CPAMD8: variants seen among roughly 807,000 people sequenced by gnomAD.
CPAMD8 encodes C3 and PZP-like alpha-2-macroglobulin domain-containing protein 8.
In CPAMD8, 146 loss-of-function variants were observed where a neutral mutation model predicts 224.7. The observed-to-expected ratio is 0.65, with a 90% CI of 0.57 to 0.75. CPAMD8 has a LOEUF of 0.75. Among genes scored for constraint, CPAMD8 ranks in the 30% least tolerant of loss-of-function variants. CPAMD8 has a pLI of 0.00. For synonymous variants in CPAMD8, 966 were observed against 1,044.6 expected, an observed-to-expected ratio of 0.92 and a Z score of 1.45; for missense variants, 2,301 against 2,537.5, an observed-to-expected ratio of 0.91 and a Z score of 2.00.
chr19:16,995,857 A>AT (rs909045893), intron 11 of CPAMD8, among the ~76,000 whole-genome samples: 1 of 152,294 alleles, frequency 6.6e-6, no homozygotes, highest in Admixed American at 6.5e-5. Flanking sequence ...TCTACAAAAA[A>AT]TTAAAAAATT....
At chr19:16,910,954 G>C (rs1288852259) in intron 29 of CPAMD8, among the ~76,000 whole-genome samples, 2 of 152,124 alleles carry the variant, frequency 1.3e-5, no homozygotes, top group Non-Finnish European at 2.9e-5. Flanking sequence ...AGGGAGCAAG[G>C]GCCTGCCAAT....
chr19:16,915,311 A>T (rs2052906000), intron 27 of CPAMD8, among the ~76,000 whole-genome samples: 1 of 152,044 alleles, frequency 6.6e-6, no homozygotes, highest in Non-Finnish European at 1.5e-5. Context: ...TGGAATGGGC[A>T]TGTGATGCAA....
At chr19:16,968,843 G>A (rs1419898730) in intron 18 of CPAMD8, among the ~76,000 whole-genome samples, 1 of 152,022 alleles carries the variant, frequency 6.6e-6, no homozygotes, top group South Asian at 2.1e-4. Context: ...TTTGCCATGT[G>A]CCCAGGCTGG....
chr19:16,998,471 T>TAATTA (rs1046269600), intron 10 of CPAMD8, among the ~76,000 whole-genome samples: 11 of 152,122 alleles, frequency 7.2e-5, no homozygotes, highest in South Asian at 2.1e-4. Context: ...ATAAATAAAT[T>TAATTA]AATTAAATTA....
intron 8 of CPAMD8, among the ~76,000 whole-genome samples, chr19:17,002,759 G>C (rs919998379): frequency 6.6e-6 from 1 of 152,058 alleles, no homozygotes; most frequent in Non-Finnish European, 1.5e-5. Flanking sequence ...TTTGCTTCTG[G>C]ACTCAGCCCT....
At chr19:16,960,642 C>G (rs1209810962) in intron 18 of CPAMD8, among the ~76,000 whole-genome samples, 13 of 151,992 alleles carry the variant, frequency 8.6e-5, no homozygotes, top group Non-Finnish European at 1.6e-4. Context: ...TGGCTCACAC[C>G]TGTAATCCCA....
intron 16 of CPAMD8, among the ~76,000 whole-genome samples, chr19:16,975,577 G>A (rs927656248): frequency 6.6e-6 from 1 of 152,096 alleles, no homozygotes; most frequent in African/African-American, 2.4e-5. Context: ...GCGTGGTGGT[G>A]CATGCCTGTA....
chr19:16,928,910 C>T, intron 24 of CPAMD8, 32 bp downstream of exon 24: 1 of 1,538,354 alleles, frequency 6.5e-7, no homozygotes. Flanking sequence ...CATGAGGCTT[C>T]TGCACAAGCC....
Position 16,975,158 on chromosome 19 carries a change from CG to C in CPAMD8, c.2008del (p.Arg670GlyfsTer27), listed in dbSNP as rs1202831855. Reference protein sequence around the residue: ...WWAGLTAQRRRRSSVFPWPWG... With the variant: ...WWAGLTAQRRXRSSVFPWPWG... Reference sequence around the variant, plus strand: ...AGGCCACGGGAAGACAGAGGAGCGCCGGCGTCGTTGTGCCGTCAGCCCAGCC... The same window carrying C: ...AGGCCACGGGAAGACAGAGGAGCGCCGCGTCGTTGTGCCGTCAGCCCAGCC... On this transcript the variant is annotated frameshift_variant, in exon 17 of 42. Coordinates refer to ENST00000443236, the MANE Select transcript of CPAMD8 (RefSeq NM_015692.5). LOFTEE classifies it high-confidence loss of function. 1 of 1,612,634 alleles carries C rather than the reference CG, an allele frequency of 6.2e-7. No individual in the cohort carries two copies.
At position 16,987,166 on chromosome 19, in the gene CPAMD8, AAAAAAAAAAAAAAATAT is replaced by A. The variant is rs1246425265; in HGVS notation, c.1395+2460_1395+2476del. ...AGAGACTCTGTCAAAAAAAAAAAAA[AAAAAAAAAAAAAAATAT>A]ATATATATATATATATATATATATA... On this transcript the variant is annotated intron_variant, in intron 13 of 41. Transcript: ENST00000443236. Among the ~76,000 whole-genome samples the A allele has an allele frequency of 3.8e-5, 4 of 104,068 alleles. No individual in the cohort carries two copies. In the East Asian group the frequency reaches 8.4e-4, roughly 22 times the overall value. The allele number at this position is 104,068 out of a possible 152,430, so 68.3% of individuals were successfully genotyped here.
At chr19:17,005,793 T>C (rs563108972) in intron 7 of CPAMD8, among the ~76,000 whole-genome samples, 19 of 152,080 alleles carry the variant, frequency 1.2e-4, no homozygotes, top group Non-Finnish European at 2.1e-4. Flanking sequence ...AATGGCTTTT[T>C]CCCCCTCATA....
chr19:16,928,309 C>T, intron 24 of CPAMD8, 75 bp from the exon 25 acceptor site: 1 of 1,236,346 alleles, frequency 8.1e-7, no homozygotes, highest in Non-Finnish European at 1.2e-6. Context: ...GTGACACCAG[C>T]TTTGTGGCCA....
At chr19:16,972,661 C>T (rs1175127669) in intron 17 of CPAMD8, among the ~76,000 whole-genome samples, 1 of 152,060 alleles carries the variant, frequency 6.6e-6, no homozygotes, top group African/African-American at 2.4e-5. Context: ...GTCTCGATCT[C>T]CTGACCTCGT....
chr19:16,956,061 CCT>C (rs1278635352), intron 19 of CPAMD8, among the ~76,000 whole-genome samples: 1 of 152,110 alleles, frequency 6.6e-6, no homozygotes, highest in Non-Finnish European at 1.5e-5. Context: ...AGATCTGTCC[CCT>C]CTGATTCATC....
Position 16,893,245 on chromosome 19 carries a change from C to A in CPAMD8, c.5521G>T (p.Ala1841Ser), listed in dbSNP as rs2051829929. ...SPFHRWGQTP[A>S]PQRHSGRVVG... The stretch of plus-strand genomic sequence containing the variant: ...ACCCGGCCACTATGTCTCTGAGGGG[C>A]CGGAGTCTGGCCCCATCTGTGGAAC... The change falls in exon 42 of 42, where the codon GCC becomes TCC. Residue 1841 changes from alanine (A) to serine (S), a missense_variant. Around this residue, in one of 4 missense-constraint regions of CPAMD8, gnomAD observed 1,709 missense variants for 1,753.2 expected, o/e 0.97. Transcript: ENST00000443236. The A allele has an allele frequency of 6.3e-7, 1 of 1,575,068 alleles. No homozygotes were observed. The highest frequency in any genetic ancestry group is 2.3e-5 in the East Asian group (1 of 42,864).
At chr19:16,953,606 T>C (rs1248634241) in intron 19 of CPAMD8, among the ~76,000 whole-genome samples, 2 of 148,924 alleles carry the variant, frequency 1.3e-5, no homozygotes, top group Non-Finnish European at 3.0e-5. Flanking sequence ...GAGGCTGAGG[T>C]TGGGGGATCA....
Position 16,945,591 on chromosome 19 carries a change from G to T in CPAMD8, c.2751C>A (p.Val917=), listed in dbSNP as rs1599754825. Residue 917 remains valine (V), a synonymous_variant, in exon 22 of 42, where the codon GTC becomes GTA. Transcript: ENST00000443236. ...GCCTGACGTGATCCACCCCGATGGG[G>T]ACCCTCCTGTCGGCGTGATTCTCCT... ...HPEENHADRR[V]PIGVDHVRRS... 1 of 1,614,168 alleles carries T rather than the reference G, an allele frequency of 6.2e-7. No individual in the cohort carries two copies. Among genetic ancestry groups the T allele is most frequent in the South Asian group, 1.1e-5 (1 of 91,076 alleles).
chr19:16,989,085 T>C (rs1238448961), intron 13 of CPAMD8, among the ~76,000 whole-genome samples: 1 of 152,160 alleles, frequency 6.6e-6, no homozygotes, highest in Non-Finnish European at 1.5e-5. Context: ...CTCCCACTGA[T>C]TCTACATGAT....
intron 39 of CPAMD8, 177 bp downstream of exon 39, chr19:16,897,514 C>A: frequency 1.8e-6 from 1 of 565,806 alleles, no homozygotes; most frequent in Non-Finnish European, 3.1e-6. Context: ...GACCGCTCCT[C>A]CAGCCCCGCC....
Sources: allele counts gnomAD v4.1 joint callset (sites outside exome capture counted in the v4.1 genomes callset), GRCh38; gene constraint gnomAD v4.1.1; regional missense constraint gnomAD v4.1.1; transcripts MANE v1.5; gene names NCBI Gene and HGNC (gene_info 2026-07-23, HGNC 2026-07-21).